ELFN2: variants seen among roughly 807,000 people sequenced by gnomAD.
The protein encoded by ELFN2 is protein phosphatase 1 regulatory subunit 29.
ELFN2 carries 17 observed loss-of-function variants against 45.5 expected under a neutral mutation model. The ratio of observed to expected loss-of-function variants is 0.37; its 90% CI spans 0.26 to 0.56. The LOEUF (loss-of-function observed/expected upper bound fraction) is 0.56, where lower values mean the gene tolerates loss of function less well. Among genes scored for constraint, ELFN2 ranks in the 20% least tolerant of loss-of-function variants. The pLI, the probability that ELFN2 is intolerant of heterozygous loss-of-function variation, is 0.77. For missense variants in ELFN2, 922 were observed against 1,183.2 expected, an observed-to-expected ratio of 0.78 and a Z score of 3.24; for synonymous variants, 550 against 551.5, an observed-to-expected ratio of 1.00 and a Z score of 0.04.
At chr22:37,398,918 C>A (rs554948339) in intron 2 of ELFN2, among the ~76,000 whole-genome samples, 7 of 152,242 alleles carry the variant, frequency 4.6e-5, no homozygotes, top group African/African-American at 1.7e-4. Flanking sequence ...CCAAGAAACA[C>A]CCCCTGTAAT....
At chr22:37,342,183 G>A (rs1243768396) in intron 2 of ELFN2, among the ~76,000 whole-genome samples, 1 of 152,170 alleles carries the variant, frequency 6.6e-6, no homozygotes, top group Admixed American at 6.5e-5. Context: ...ACTTGAAGAG[G>A]CACGGAGAAG....
At chr22:37,383,963 T>C (rs1263185786) in intron 2 of ELFN2, among the ~76,000 whole-genome samples, 2 of 152,098 alleles carry the variant, frequency 1.3e-5, no homozygotes, top group African/African-American at 4.8e-5. Context: ...CTCAGTTTCC[T>C]CATCTGTTTG....
chr22:37,352,567 G>A (rs965995974), intron 1 of ELFN2: 2 of 151,030 alleles, frequency 1.3e-5, no homozygotes, highest in African/African-American at 2.4e-5. Flanking sequence ...CACCACAGGG[G>A]AGGTGACCCT....
At chr22:37,387,048 GCGTGGCAC>G (rs1463385672) in intron 2 of ELFN2, among the ~76,000 whole-genome samples, 1 of 152,208 alleles carries the variant, frequency 6.6e-6, no homozygotes. Context: ...AGGGTCTGGC[GCGTGGCAC>G]CGTGGCACAC....
At chr22:37,408,999 C>T (rs1301560592) in intron 2 of ELFN2, among the ~76,000 whole-genome samples, 1 of 152,206 alleles carries the variant, frequency 6.6e-6, no homozygotes, top group Non-Finnish European at 1.5e-5. Context: ...GAACGCTGGA[C>T]TCAGGACTCC....
In ELFN2 at chr22:37,373,841, C is replaced by A. The variant is rs1159091653; in HGVS notation, c.1694G>T (p.Gly565Val). The change falls in exon 3 of 3, where the codon GGC (glycine) becomes GTC (valine). Residue 565 changes from glycine (G) to valine (V), a missense_variant. Gly to Val is a moderately radical substitution (Grantham distance 109). Transcript: ENST00000402918. Reference sequence around the variant, plus strand: ...CTCGGGGTCCCCACTGCTGCTGCCGCCTCCCAGAAAAGAGGCCGAGTCCAG... The same window carrying A: ...CTCGGGGTCCCCACTGCTGCTGCCGACTCCCAGAAAAGAGGCCGAGTCCAG... ...LKLDSASFLG[G>V]GSSSGDPELA... 2 of 1,613,140 alleles carry A rather than the reference C, an allele frequency of 1.2e-6. No individual in the cohort carries two copies. The highest frequency in any genetic ancestry group is 3.3e-5 in the Admixed American group (2 of 60,028).
chr22:37,383,113 G>T (rs956278506), intron 2 of ELFN2, among the ~76,000 whole-genome samples: 2 of 152,124 alleles, frequency 1.3e-5, no homozygotes, highest in Admixed American at 6.5e-5. Context: ...CAGCTGCCCG[G>T]GTCATGCTTG....
downstream of ELFN2, among the ~76,000 whole-genome samples, chr22:37,366,219 C>T (rs985665514): frequency 2.6e-5 from 4 of 152,244 alleles, no homozygotes; most frequent in African/African-American, 2.4e-5. Flanking sequence ...GTTAAATGTG[C>T]TCTGTTTAGA....
At chr22:37,362,041 G>A (rs948435105) in intron 1 of ELFN2, among the ~76,000 whole-genome samples, 19 of 152,308 alleles carry the variant, frequency 1.2e-4, no homozygotes, top group Middle Eastern at 3.4e-3. Context: ...TGGGTGGCAC[G>A]GTCCACCCTG....
intron 2 of ELFN2, among the ~76,000 whole-genome samples, chr22:37,391,486 G>A (rs532170217): frequency 2.6e-5 from 4 of 152,222 alleles, no homozygotes; most frequent in Admixed American, 6.5e-5. Flanking sequence ...CCAGGCCCCC[G>A]CACACTTCAC....
At chr22:37,393,416 C>T (rs1932132267) in intron 2 of ELFN2, among the ~76,000 whole-genome samples, 1 of 152,234 alleles carries the variant, frequency 6.6e-6, no homozygotes, top group South Asian at 2.1e-4. Flanking sequence ...CTGAGGGCAG[C>T]ATCTCCGGGC....
At chr22:37,400,212 C>A (rs141314218) in intron 2 of ELFN2, among the ~76,000 whole-genome samples, 73 of 152,234 alleles carry the variant, frequency 4.8e-4, no homozygotes, top group African/African-American at 1.6e-3. Context: ...TGCTGACCCA[C>A]CCCCTCGTGT....
chr22:37,407,422 T>A (rs1932532856), intron 2 of ELFN2, among the ~76,000 whole-genome samples: 1 of 151,948 alleles, frequency 6.6e-6, no homozygotes, highest in Non-Finnish European at 1.5e-5. Flanking sequence ...ACAGACAAGG[T>A]CCCCAGCCTC....
chr22:37,395,061 C>T (rs900364424), intron 2 of ELFN2, among the ~76,000 whole-genome samples: 21 of 151,676 alleles, frequency 1.4e-4, no homozygotes, highest in Non-Finnish European at 3.1e-4. Context: ...GCCAAGATCA[C>T]GCCACTGCAC....
At chr22:37,423,354 A>G (rs1268095704) in intron 1 of ELFN2, among the ~76,000 whole-genome samples, 1 of 152,112 alleles carries the variant, frequency 6.6e-6, no homozygotes, top group Non-Finnish European at 1.5e-5. Flanking sequence ...GCACCCATTT[A>G]CAGATAAGCA....
At position 37,424,621 on chromosome 22, in the gene ELFN2, G is replaced by A. The variant is rs562832710; in HGVS notation, c.-614+2677C>T. ...CTCCATATCTCTCCAGGAAAGGAAG[G>A]TACCCCTCGAGAAGGGGCTGGGTAA... On this transcript the variant is annotated intron_variant, in intron 1 of 2. Coordinates refer to ENST00000402918, the MANE Select transcript of ELFN2 (RefSeq NM_052906.5). Among the ~76,000 whole-genome samples, 367 of 152,012 alleles carry A rather than the reference G, an allele frequency of 2.4e-3. 1 individual carries two copies. Among genetic ancestry groups the A allele is most frequent in the Middle Eastern group, 0.017 (5 of 294 alleles).
chr22:37,412,621 C>T (rs1243902866), intron 2 of ELFN2, among the ~76,000 whole-genome samples: 2 of 152,250 alleles, frequency 1.3e-5, no homozygotes, highest in African/African-American at 4.8e-5. Flanking sequence ...CGGGCCCTGT[C>T]CATGAATCCC....
At chr22:37,354,202 A>G (rs1413044177) in intron 1 of ELFN2, 1 of 152,242 alleles carries the variant, frequency 6.6e-6, no homozygotes, top group Non-Finnish European at 1.5e-5. Flanking sequence ...AAGTCAGGAC[A>G]GCAGTTCCCC....
rs761529520 is a variant in ELFN2 at position 37,375,313 on chromosome 22, C to T, written c.222G>A (p.Ser74=). Residue 74 remains serine (S), a synonymous_variant, in exon 3 of 3, where the codon TCG becomes TCA. Coordinates refer to ENST00000402918, the MANE Select transcript of ELFN2 (RefSeq NM_052906.5). The part of the protein sequence containing the change: ...ENKLKAVLYS[S]LNRFGNLTDL... The stretch of plus-strand genomic sequence containing the variant: ...CGGTGAGGTTCCCAAAGCGGTTGAG[C>T]GAGGAGTAGAGCACGGCTTTGAGCT... 14 of 1,613,858 alleles carry T rather than the reference C, an allele frequency of 8.7e-6. No homozygotes were observed. The highest frequency in any genetic ancestry group is 3.3e-5 in the Admixed American group (2 of 59,984).
Sources: allele counts gnomAD v4.1 joint callset (sites outside exome capture counted in the v4.1 genomes callset), GRCh38; gene constraint gnomAD v4.1.1; transcripts MANE v1.5; gene names NCBI Gene and HGNC (gene_info 2026-07-23, HGNC 2026-07-21).